The following CUL5 variants were observed in gnomAD, a reference collection of about 807,000 sequenced individuals.
The protein encoded by CUL5 is cullin 5.
CUL5 carries 26 observed loss-of-function variants against 108.8 expected under a neutral mutation model. That is an observed-to-expected ratio of 0.24 (90% confidence interval 0.18 to 0.33). The LOEUF (loss-of-function observed/expected upper bound fraction) is 0.33, where lower values mean the gene tolerates loss of function less well. Ranked by LOEUF, CUL5 falls within the 10% of genes least tolerant of loss-of-function variation. The probability of loss-of-function intolerance (pLI) is 1.00; values close to 1 mark genes in which losing one functional copy is unlikely to be tolerated. For missense variants in CUL5, 524 were observed against 909.2 expected (o/e 0.58, Z 5.45); for synonymous variants, 334 against 298.0 (o/e 1.12, Z -1.25).
intron 7 of CUL5, among the ~76,000 whole-genome samples, chr11:108,061,634 C>CT (rs1863538834): frequency 6.6e-6 from 1 of 152,106 alleles, no homozygotes; most frequent in South Asian, 2.1e-4. Context: ...TCCTTCCTCT[C>CT]TATTTCCCTC....
At chr11:108,009,473 C>T (rs1591265379) in intron 1 of CUL5, 101 bp downstream of exon 1, 3 of 1,318,376 alleles carry the variant, frequency 2.3e-6, no homozygotes, top group Admixed American at 1.9e-5. Flanking sequence ...TGGGAGTGTT[C>T]AGGGGTTGTC....
intron 7 of CUL5, among the ~76,000 whole-genome samples, chr11:108,065,167 A>G (rs1863642466): frequency 6.6e-6 from 1 of 151,984 alleles, no homozygotes; most frequent in Non-Finnish European, 1.5e-5. Context: ...CTGGGACTAC[A>G]GGCGCCCGCC....
chr11:108,065,151 A>G (rs947575253), intron 7 of CUL5, among the ~76,000 whole-genome samples: 2 of 151,934 alleles, frequency 1.3e-5, no homozygotes, highest in Admixed American at 1.3e-4. Context: ...TCAGCCTCCC[A>G]AGTAGCTGGG....
intron 8 of CUL5, among the ~76,000 whole-genome samples, chr11:108,071,273 T>G (rs1565257600): frequency 6.6e-6 from 1 of 152,188 alleles, no homozygotes; most frequent in Admixed American, 6.5e-5. Flanking sequence ...ACTCACCTTT[T>G]CTTTTGAGAC....
At chr11:108,026,183 A>G (rs1406533165) in intron 1 of CUL5, among the ~76,000 whole-genome samples, 1 of 152,068 alleles carries the variant, frequency 6.6e-6, no homozygotes, top group Non-Finnish European at 1.5e-5. Context: ...TGCTTGGGAA[A>G]AGTGTACAAC....
At chr11:108,041,378 A>G (rs1412758274) in intron 2 of CUL5, among the ~76,000 whole-genome samples, 1 of 151,480 alleles carries the variant, frequency 6.6e-6, no homozygotes, top group Admixed American at 6.6e-5. Context: ...CCCAGGCTCA[A>G]GCGATTCTCC....
At chr11:108,074,786 A>G (rs2135192095) in intron 10 of CUL5, among the ~76,000 whole-genome samples, 1 of 152,272 alleles carries the variant, frequency 6.6e-6, no homozygotes, top group East Asian at 1.9e-4. Flanking sequence ...AGCCTGGGCA[A>G]CAAGAGCGAA....
chr11:108,079,905 G>GT (rs1484704031), intron 11 of CUL5, among the ~76,000 whole-genome samples: 1 of 152,058 alleles, frequency 6.6e-6, no homozygotes, highest in African/African-American at 2.4e-5. Flanking sequence ...ATTCTTTTAT[G>GT]TTTTGGCATG....
chr11:108,012,014 TC>T (rs1862068347), intron 1 of CUL5, among the ~76,000 whole-genome samples: 1 of 152,262 alleles, frequency 6.6e-6, no homozygotes, highest in African/African-American at 2.4e-5. Flanking sequence ...TAGAAGTCTT[TC>T]AGCTATGTAA....
chr11:108,026,420 C>T (rs567868799), intron 1 of CUL5, among the ~76,000 whole-genome samples: 16 of 152,246 alleles, frequency 1.1e-4, no homozygotes, highest in South Asian at 2.1e-4. Flanking sequence ...CAGACATTGT[C>T]GTTATTTCCA....
At chr11:108,098,376 A>G (rs373759630) in intron 17 of CUL5, 30 bp from the exon 18 acceptor site, 7 of 1,580,038 alleles carry the variant, frequency 4.4e-6, no homozygotes, top group Middle Eastern at 1.7e-4. Context: ...GTTTTTCACC[A>G]TAAAATACTT....
At chr11:108,028,473 A>G (rs942060563) in intron 1 of CUL5, among the ~76,000 whole-genome samples, 17 of 152,154 alleles carry the variant, frequency 1.1e-4, no homozygotes, top group African/African-American at 4.1e-4. Flanking sequence ...TCCTACACCC[A>G]GTTTTAACCC....
At chr11:108,050,984 C>T (rs1364095748) in intron 4 of CUL5, among the ~76,000 whole-genome samples, 5 of 152,042 alleles carry the variant, frequency 3.3e-5, no homozygotes, top group African/African-American at 1.2e-4. Flanking sequence ...AAAATGGGAC[C>T]GTAGATTTGA....
chr11:108,053,564 C>T (rs953549857), intron 5 of CUL5, among the ~76,000 whole-genome samples: 1 of 151,994 alleles, frequency 6.6e-6, no homozygotes, highest in Admixed American at 6.6e-5. Context: ...TTGAAATAGT[C>T]GTCTTATAAT....
chr11:108,052,581 TC>T lies in CUL5; in HGVS notation c.412-77del, dbSNP rs1591300395. The T allele has an allele frequency of 1.6e-5, 21 of 1,348,688 alleles. No homozygotes were observed. The East Asian group carries it at 5.0e-4, about 32-fold the overall frequency. 83.5% of individuals were successfully genotyped at this position (1,348,688 alleles called of 1,614,324 possible). Reference sequence around the variant, plus strand: ...CTGGCCCAGGCCTACAAATTTGATTTCCTTTTTTGGTGTTTGTACATGATAC... The same window carrying T: ...CTGGCCCAGGCCTACAAATTTGATTTCTTTTTTGGTGTTTGTACATGATAC... On this transcript the variant is annotated intron_variant, in intron 4 of 18. Coordinates refer to ENST00000393094, the MANE Select transcript of CUL5 (RefSeq NM_003478.6).
At chr11:108,013,643 G>A (rs1304579191) in intron 1 of CUL5, among the ~76,000 whole-genome samples, 1 of 152,068 alleles carries the variant, frequency 6.6e-6, no homozygotes, top group Non-Finnish European at 1.5e-5. Context: ...GGCACAAGAA[G>A]GCAGTAGTAT....
At chr11:108,043,271 G>A (rs904605032) in intron 2 of CUL5, among the ~76,000 whole-genome samples, 1 of 152,096 alleles carries the variant, frequency 6.6e-6, no homozygotes, top group East Asian at 1.9e-4. Flanking sequence ...ATGTGGTCTT[G>A]CCATGTGGCC....
chr11:108,088,493 T>C (rs765003133), intron 11 of CUL5, 34 bp from the exon 12 acceptor site: 116 of 1,565,688 alleles, frequency 7.4e-5, no homozygotes, highest in Non-Finnish European at 1.5e-5. Context: ...ACATTAATCA[T>C]TTTTCCATCA....
At chr11:108,103,193 T>C (rs1864713317) in intron 18 of CUL5, among the ~76,000 whole-genome samples, 1 of 152,184 alleles carries the variant, frequency 6.6e-6, no homozygotes, top group African/African-American at 2.4e-5. Flanking sequence ...TATTGTAAAC[T>C]TAACAGTAAT....
Sources: allele counts gnomAD v4.1 joint callset (sites outside exome capture counted in the v4.1 genomes callset), GRCh38; gene constraint gnomAD v4.1.1; transcripts MANE v1.5; gene names NCBI Gene and HGNC (gene_info 2026-07-23, HGNC 2026-07-21).